Variants in CFAP74 observed in about 807,000 individuals in gnomAD.
CFAP74 encodes the protein cilia and flagella associated protein 74, also known as cilia- and flagella-associated protein 74.
A neutral mutation model predicts 188.9 loss-of-function variants in CFAP74; 124 were observed. The observed-to-expected ratio is 0.66, with a 90% CI of 0.57 to 0.76. The LOEUF (loss-of-function observed/expected upper bound fraction) is 0.76. Among genes scored for constraint, CFAP74 ranks in the 30% least tolerant of loss-of-function variants. CFAP74 has a pLI of 0.00. For missense variants in CFAP74, 2,198 were observed against 2,165.2 expected (o/e 1.02, Z -0.30); for synonymous variants, 956 against 916.7 (o/e 1.04, Z -0.77).
chr1:1,940,214 G>A, intron 23 of CFAP74, 102 bp downstream of exon 23: 1 of 894,488 alleles, frequency 1.1e-6, no homozygotes, highest in Non-Finnish European at 1.7e-6. Context: ...GTGAGGATGA[G>A]CCCTTTTGGG....
chr1:1,985,487 G>T lies in CFAP74; in HGVS notation c.399C>A (p.Ala133=). The T allele has an allele frequency of 6.2e-7, 1 of 1,613,372 alleles. No homozygotes were observed. Among genetic ancestry groups the T allele is most frequent in the East Asian group, 2.2e-5 (1 of 44,874 alleles). ...IATEEEAGNM[A]AVGRLQAVSR... ...ACACGGCCTGGAGGCGGCCCACAGC[G>T]GCCCTGCAGTGGTGAACGGACAGGC... Residue 133 remains alanine, a synonymous_variant, in exon 6 of 39, where the codon GCC becomes GCA. Coordinates refer to ENST00000682832, the MANE Select transcript of CFAP74 (RefSeq NM_001304360.2).
At chr1:1,978,002 C>G (rs548099488) in intron 6 of CFAP74, among the ~76,000 whole-genome samples, 1 of 152,318 alleles carries the variant, frequency 6.6e-6, no homozygotes, top group South Asian at 2.1e-4. Flanking sequence ...GTGCACGCCA[C>G]CACACCCAGC....
At position 1,938,974 on chromosome 1, in the gene CFAP74, T is replaced by G. The variant is rs112996194; in HGVS notation, c.2892A>C (p.Gln964His). 6.5e-7 allele frequency: 1 copy of G among 1,535,932 alleles called. No homozygotes were observed. Among genetic ancestry groups the G allele is most frequent in the Non-Finnish European group, 8.7e-7 (1 of 1,146,774 alleles). Reference sequence around the variant, plus strand: ...GGATCGTCCCAAACCCATCGTTGGGTTGGACGTCCACAAACTGGAAATAGA... The same window carrying G: ...GGATCGTCCCAAACCCATCGTTGGGGTGGACGTCCACAAACTGGAAATAGA... Reference protein sequence around the residue: ...FVRLPKFVDVQPNDGFGTILP... With the variant: ...FVRLPKFVDVHPNDGFGTILP... The change falls in exon 25 of 39, where the codon CAA (glutamine) becomes CAC (histidine). Residue 964 changes from glutamine to histidine, a missense_variant. By Grantham distance (24) the Gln-to-His change is conservative (BLOSUM62 0). Coordinates refer to ENST00000682832, the MANE Select transcript of CFAP74 (RefSeq NM_001304360.2).
intron 25 of CFAP74, among the ~76,000 whole-genome samples, chr1:1,937,546 G>A (rs1004988790): frequency 6.6e-6 from 1 of 152,160 alleles, no homozygotes; most frequent in Non-Finnish European, 1.5e-5. Flanking sequence ...TGGAATAATT[G>A]GAAGCCTCTG....
intron 32 of CFAP74, 50 bp downstream of exon 32, chr1:1,926,178 G>A (rs2102030449): frequency 1.4e-6 from 2 of 1,467,928 alleles, no homozygotes; most frequent in Non-Finnish European, 1.8e-6. Flanking sequence ...TTGTTCTGCA[G>A]TGTGGGGAGC....
At chr1:1,929,707 C>T (rs999319768) in intron 26 of CFAP74, among the ~76,000 whole-genome samples, 7 of 151,778 alleles carry the variant, frequency 4.6e-5, no homozygotes, top group Non-Finnish European at 8.8e-5. Flanking sequence ...TCCTCCCAGT[C>T]GGCCTGCGAG....
At chr1:1,992,629 A>T (rs1657654112) in intron 1 of CFAP74, among the ~76,000 whole-genome samples, 1 of 151,268 alleles carries the variant, frequency 6.6e-6, no homozygotes. Flanking sequence ...GCCCACCACT[A>T]CGCCCAGCTA....
At chr1:1,967,030 G>A (rs1462627007) in intron 11 of CFAP74, among the ~76,000 whole-genome samples, 1 of 152,108 alleles carries the variant, frequency 6.6e-6, no homozygotes, top group African/African-American at 2.4e-5. Context: ...TAGAGATGGG[G>A]TTTCACTATG....
intron 5 of CFAP74, 94 bp from the exon 6 acceptor site, chr1:1,985,584 T>C: frequency 2.0e-6 from 2 of 1,006,526 alleles, no homozygotes; most frequent in South Asian, 2.6e-5. Context: ...CTCCTCTCGC[T>C]CAGGAGGGAA....
intron 25 of CFAP74, among the ~76,000 whole-genome samples, chr1:1,936,492 C>A (rs534369668): frequency 4.6e-5 from 7 of 151,800 alleles, no homozygotes; most frequent in Admixed American, 3.9e-4. Context: ...TGCAGTGAGC[C>A]GAGATCATGC....
chr1:1,925,046 C>G (rs1354169700), intron 33 of CFAP74, among the ~76,000 whole-genome samples: 82 of 100,908 alleles, frequency 8.1e-4, no homozygotes, highest in African/African-American at 1.3e-3. Context: ...ACACACTGGT[C>G]CAAAGGCATG....
At chr1:1,948,412 A>AATAT (rs56005703) in intron 18 of CFAP74, among the ~76,000 whole-genome samples, 87,600 of 144,156 alleles carry the variant, frequency 0.61, 26,943 homozygotes, top group East Asian at 0.75. Flanking sequence ...GGCATATATA[A>AATAT]ATATATATAT....
At chr1:1,932,814 G>A (rs372850046) in intron 25 of CFAP74, among the ~76,000 whole-genome samples, 39 of 151,364 alleles carry the variant, frequency 2.6e-4, no homozygotes, top group African/African-American at 6.8e-4. Flanking sequence ...GGATGGTCTC[G>A]ATCTCCTGAC....
chr1:1,987,102 C>T (rs922688025), intron 4 of CFAP74, 67 bp from the exon 5 acceptor site: 27 of 1,374,866 alleles, frequency 2.0e-5, no homozygotes, highest in African/African-American at 2.8e-5. Flanking sequence ...TGACAGTGGG[C>T]GTGGCAATGG....
intron 28 of CFAP74, 151 bp downstream of exon 28, chr1:1,927,456 C>T (rs1324931068): frequency 5.2e-6 from 4 of 765,328 alleles, no homozygotes; most frequent in Non-Finnish European, 8.2e-6. Context: ...GAAGGCAGCA[C>T]CTGGATCCAG....
chr1:1,981,944 G>A (rs55710401), intron 6 of CFAP74, among the ~76,000 whole-genome samples: 1 of 66,928 alleles, frequency 1.5e-5, no homozygotes, highest in African/African-American at 5.2e-5. Flanking sequence ...AGACACGGGG[G>A]CACGCAGGAC....
At chr1:1,956,575 G>C in intron 17 of CFAP74, 45 bp downstream of exon 17, 1 of 1,610,112 alleles carries the variant, frequency 6.2e-7, no homozygotes, top group Non-Finnish European at 8.5e-7. Flanking sequence ...ACTGGATTTG[G>C]GGGGCAGGTC....
At chr1:1,996,920 C>CAAAAAAAAAAAAAAAAAA (rs200261557) in intron 1 of CFAP74, among the ~76,000 whole-genome samples, 1 of 84,630 alleles carries the variant, frequency 1.2e-5, no homozygotes, top group Admixed American at 1.4e-4. Flanking sequence ...GACTCTGTCT[C>CAAAAAAAAAAAAAAAAAA]AAAAAAAAAA....
intron 6 of CFAP74, among the ~76,000 whole-genome samples, chr1:1,980,564 G>A (rs1259356449): frequency 1.3e-5 from 2 of 152,364 alleles, no homozygotes; most frequent in Admixed American, 1.3e-4. Context: ...TGGTGTGAGC[G>A]GGCAGGGTCG....
Sources: gnomAD v4.1 joint callset for allele counts (sites outside exome capture counted in the v4.1 genomes callset) on GRCh38, gnomAD v4.1.1 for gene constraint, MANE v1.5 for transcripts, NCBI Gene and HGNC (gene_info 2026-07-23, HGNC 2026-07-21) for gene names.